The following MAGI2 variants were observed in gnomAD, a reference collection of about 807,000 sequenced individuals.
The protein encoded by MAGI2 is membrane-associated guanylate kinase, WW and PDZ domain-containing protein 2.
In MAGI2, 35 loss-of-function variants were observed where a neutral mutation model predicts 133.3. That is an observed-to-expected ratio of 0.26 (90% confidence interval 0.20 to 0.35). The LOEUF is 0.35. Among genes scored for constraint, MAGI2 ranks in the 10% least tolerant of loss-of-function variants. The pLI is 1.00. For synonymous variants in MAGI2, 729 were observed against 710.6 expected (o/e 1.03, Z -0.41); for missense variants, 1,636 against 1,863.4 (o/e 0.88, Z 2.25).
chr7:78,849,550 A>G (rs192442775), intron 2 of MAGI2, among the ~76,000 whole-genome samples: 293 of 152,002 alleles, frequency 1.9e-3, no homozygotes, highest in African/African-American at 6.8e-3. Flanking sequence ...GAAATAGGGG[A>G]AAAAAATGGT....
At chr7:78,280,642 C>A (rs1795471290) in intron 9 of MAGI2, among the ~76,000 whole-genome samples, 1 of 152,036 alleles carries the variant, frequency 6.6e-6, no homozygotes. Context: ...AAAGATTAGA[C>A]TGAGACGTTA....
intron 3 of MAGI2, chr7:78,554,753 G>A (rs906722214): frequency 2.0e-5 from 3 of 152,160 alleles, no homozygotes; most frequent in Non-Finnish European, 4.4e-5. Context: ...GCTTTGCTAA[G>A]TTCTGCCAAG....
intron 1 of MAGI2, among the ~76,000 whole-genome samples, chr7:79,339,464 G>GTTTTTT (rs71095397): frequency 7.4e-5 from 10 of 134,544 alleles, no homozygotes; most frequent in South Asian, 2.3e-4. Flanking sequence ...TTTTGTTTTT[G>GTTTTTT]TTTTTTTTTT....
intron 2 of MAGI2, among the ~76,000 whole-genome samples, chr7:78,796,715 G>C (rs906061068): frequency 6.6e-5 from 10 of 152,098 alleles, no homozygotes; most frequent in African/African-American, 1.9e-4. Context: ...CAATAGCCAA[G>C]ATATGGAGTC....
chr7:78,445,125 C>T (rs1584154899), intron 6 of MAGI2, among the ~76,000 whole-genome samples: 1 of 151,790 alleles, frequency 6.6e-6, no homozygotes. Context: ...AGGCCCTGAG[C>T]AATCAGACCT....
At chr7:79,271,332 T>C (rs1834858484) in intron 1 of MAGI2, among the ~76,000 whole-genome samples, 1 of 152,112 alleles carries the variant, frequency 6.6e-6, no homozygotes, top group South Asian at 2.1e-4. Context: ...TATATCAGCA[T>C]TTTACGTCTA....
chr7:78,362,647 A>G (rs545638133), intron 7 of MAGI2, among the ~76,000 whole-genome samples: 130 of 152,356 alleles, frequency 8.5e-4, no homozygotes, highest in African/African-American at 3.1e-3. Context: ...TAAACCAGTC[A>G]TAAGTTAAGG....
intron 1 of MAGI2, among the ~76,000 whole-genome samples, chr7:79,433,065 A>G (rs1215596733): frequency 1.3e-5 from 2 of 152,180 alleles, no homozygotes; most frequent in Non-Finnish European, 2.9e-5. Context: ...AAAAGATGAG[A>G]GAACCTTTAA....
intron 21 of MAGI2, among the ~76,000 whole-genome samples, chr7:78,074,655 A>G (rs1320382800): frequency 2.0e-5 from 3 of 152,208 alleles, no homozygotes; most frequent in African/African-American, 4.8e-5. Context: ...CTGTTACCCA[A>G]TTCTGCTACT....
intron 2 of MAGI2, chr7:79,006,533 T>C (rs928804979): frequency 2.0e-5 from 3 of 152,180 alleles, no homozygotes; most frequent in Non-Finnish European, 4.4e-5. Context: ...CGATTGTTTA[T>C]GGATATCTAT....
intron 2 of MAGI2, among the ~76,000 whole-genome samples, chr7:78,725,644 A>T (rs896920571): frequency 2.0e-5 from 3 of 152,208 alleles, no homozygotes; most frequent in Non-Finnish European, 4.4e-5. Context: ...TAAAAGATAG[A>T]AAAAATTAGC....
intron 1 of MAGI2, among the ~76,000 whole-genome samples, chr7:79,269,166 C>T (rs1167993818): frequency 2.6e-5 from 4 of 152,142 alleles, no homozygotes; most frequent in Non-Finnish European, 5.9e-5. Context: ...CAGTTCTCTC[C>T]GCTTTTTGAG....
chr7:78,178,328 G>A (rs992563037), intron 13 of MAGI2, among the ~76,000 whole-genome samples: 54 of 152,148 alleles, frequency 3.5e-4, no homozygotes, highest in African/African-American at 1.3e-3. Flanking sequence ...CACTACTGAG[G>A]TATTACCAGA....
At chr7:78,487,169 AT>A (rs1473534608) in intron 6 of MAGI2, 10 of 151,502 alleles carry the variant, frequency 6.6e-5, no homozygotes, top group Non-Finnish European at 1.0e-4. Flanking sequence ...CTGCAGCAGG[AT>A]GGGGAAAAAA....
At chr7:78,261,939 A>T (rs1793557206) in intron 9 of MAGI2, among the ~76,000 whole-genome samples, 2 of 152,184 alleles carry the variant, frequency 1.3e-5, no homozygotes, top group African/African-American at 4.8e-5. Context: ...ACATCAGTTA[A>T]ATGGAAAATA....
At chr7:79,341,869 G>A (rs1015779888) in intron 1 of MAGI2, among the ~76,000 whole-genome samples, 18 of 152,062 alleles carry the variant, frequency 1.2e-4, no homozygotes, top group African/African-American at 3.4e-4. Context: ...AAGCTTCTGG[G>A]TACCCTACAT....
At chr7:78,748,194 A>T (rs1239628412) in intron 2 of MAGI2, among the ~76,000 whole-genome samples, 1 of 152,340 alleles carries the variant, frequency 6.6e-6, no homozygotes, top group African/African-American at 2.4e-5. Flanking sequence ...CAAGTATTCA[A>T]ATCTTCCCTC....
At chr7:78,604,279 G>A (rs916482420) in intron 3 of MAGI2, among the ~76,000 whole-genome samples, 4 of 152,316 alleles carry the variant, frequency 2.6e-5, no homozygotes, top group African/African-American at 7.2e-5. Flanking sequence ...TGGTGCATTT[G>A]AAGAACTGGG....
intron 2 of MAGI2, among the ~76,000 whole-genome samples, chr7:78,666,759 C>A (rs10085711): frequency 6.6e-6 from 1 of 152,018 alleles, no homozygotes; most frequent in Non-Finnish European, 1.5e-5. Context: ...AAATACTGCT[C>A]TCTTTACTTT....
Sources: gnomAD v4.1 joint callset for allele counts (sites outside exome capture counted in the v4.1 genomes callset) on GRCh38, gnomAD v4.1.1 for gene constraint, MANE v1.5 for transcripts, NCBI Gene and HGNC (gene_info 2026-07-23, HGNC 2026-07-21) for gene names.